Variants in KCNA7 observed in about 807,000 individuals in gnomAD.
The protein encoded by KCNA7 is potassium channel, voltage gated shaker related subfamily A, member 7.
In KCNA7, 15 loss-of-function variants were observed where a neutral mutation model predicts 21.5. The observed-to-expected ratio is 0.70, with a 90% CI of 0.47 to 1.07. KCNA7 has a LOEUF of 1.07. KCNA7 is among the 50% of genes least tolerant of loss of function. The probability of loss-of-function intolerance (pLI) is 0.00; values close to 1 mark genes in which losing one functional copy is unlikely to be tolerated. For synonymous variants in KCNA7, 298 were observed against 291.0 expected (o/e 1.02, Z -0.24); for missense variants, 640 against 651.6 (o/e 0.98, Z 0.19).
At position 49,067,698 on chromosome 19, in the gene KCNA7, C is replaced by T. The variant is rs559322629; in HGVS notation, c.*2365G>A. On this transcript the variant is annotated 3_prime_UTR_variant, in exon 2 of 2. Transcript: ENST00000221444. ...TGGCCCCTGGGGACAAGCTGTGAGACCTTGGGAAGCCACTCCCCTGCTCTG... is the reference window on the plus strand; with the variant it reads ...TGGCCCCTGGGGACAAGCTGTGAGATCTTGGGAAGCCACTCCCCTGCTCTG... The T allele has an allele frequency of 2.6e-5, 4 of 152,220 alleles. No homozygotes were observed. Among genetic ancestry groups the T allele is most frequent in the African/African-American group, 9.6e-5 (4 of 41,528 alleles). The allele number at this position is 152,220 out of a possible 1,614,324, so 9.4% of individuals were successfully genotyped here.
At position 49,070,915 on chromosome 19, in the gene KCNA7, G is replaced by C. The variant is rs1260409816; in HGVS notation, c.556-37C>G. On this transcript the variant is annotated intron_variant, in intron 1 of 1. Transcript: ENST00000221444. This position sits in a 1 kb window ranked among gnomAD's most constrained non-coding sequence, Gnocchi z 4.3. The stretch of plus-strand genomic sequence containing the variant: ...AAAGTGTTCAGGGAGGGTCAGGCTG[G>C]GGCTAGGACACGGGGACAGCCTTAA... 1.3e-6 allele frequency: 2 copies of C among 1,552,476 alleles called. No homozygotes were observed. Among genetic ancestry groups the C allele is most frequent in the African/African-American group, 2.7e-5 (2 of 73,290 alleles).
Position 49,070,172 on chromosome 19 carries a change from C to A in KCNA7, c.1262G>T (p.Cys421Phe). ...ATTGGCCTTGCCCTCCAGTGGGCCA[C>A]AAGGCTGCATGTCCACATGGCTGAA... ...GMFSHVDMQP[C>F]GPLEGKANGG... Residue 421 changes from cysteine (C) to phenylalanine (F), a missense_variant, in exon 2 of 2, where the codon TGT becomes TTT. Cys to Phe is a radical substitution (Grantham distance 205). Transcript: ENST00000221444. This position sits in a 1 kb window ranked among gnomAD's most constrained non-coding sequence, Gnocchi z 4.3. 6.2e-7 allele frequency: 1 copy of A among 1,614,228 alleles called. No homozygotes were observed. Among genetic ancestry groups the A allele is most frequent in the Non-Finnish European group, 8.5e-7 (1 of 1,180,040 alleles).
chr19:49,070,574 C>A lies in KCNA7; in HGVS notation c.860G>T (p.Arg287Leu). ...LRVIRLVRVF[R>L]IFKLSRHSKG... is the part of the protein sequence containing the mutation. Reference sequence around the variant, plus strand: ...TGAGTGCCGGGACAGCTTGAAGATGCGGAAGACACGCACCAATCGGATGAC... The same window carrying A: ...TGAGTGCCGGGACAGCTTGAAGATGAGGAAGACACGCACCAATCGGATGAC... The change falls in exon 2 of 2, where the codon CGC (arginine) becomes CTC (leucine). Residue 287 changes from arginine (R) to leucine (L), a missense_variant. Arg to Leu is a moderately radical substitution (Grantham distance 102). Coordinates refer to ENST00000221444, the MANE Select transcript of KCNA7 (RefSeq NM_031886.3). This position sits in a 1 kb window ranked among gnomAD's most constrained non-coding sequence, Gnocchi z 4.3. 6.2e-7 allele frequency: 1 copy of A among 1,614,158 alleles called. No homozygotes were observed. The highest frequency in any genetic ancestry group is 8.5e-7 in the Non-Finnish European group (1 of 1,180,032).
chr19:49,072,058 C>T lies in KCNA7; in HGVS notation c.528G>A (p.Gly176=), dbSNP rs780075778. The T allele has an allele frequency of 1.7e-5, 27 of 1,607,480 alleles. No homozygotes were observed. The African/African-American group carries it at 2.9e-4, about 18-fold the overall frequency. Residue 176 remains glycine (G), a synonymous_variant, in exon 1 of 2, where the codon GGG becomes GGA. Transcript: ENST00000221444. The part of the protein sequence containing the change: ...PDFRDDRDGT[G]LAAAAAAGPF... ...GGCCGGCTGCGGCTGCAGCAGCAAG[C>T]CCCGTGCCGTCGCGGTCGTCGCGGA...
chr19:49,072,483 G>A lies in KCNA7; in HGVS notation c.103C>T (p.Pro35Ser), dbSNP rs1279209485. The A allele has an allele frequency of 1.3e-6, 2 of 1,538,062 alleles. No individual in the cohort carries two copies. The highest frequency in any genetic ancestry group is 1.7e-6 in the Non-Finnish European group (2 of 1,153,386). The change falls in exon 1 of 2, where the codon CCG (proline) becomes TCG (serine). Residue 35 changes from proline (P) to serine (S), a missense_variant. By Grantham distance (74) the Pro-to-Ser change is moderately conservative. Transcript: ENST00000221444. Reference protein sequence around the residue: ...ETRARTLGRFPDTLLGDPARR... With the variant: ...ETRARTLGRFSDTLLGDPARR... ...GCTGGGTCCCCTAGCAGAGTGTCCG[G>A]GAAGCGGCCCAGCGTGCGCGCCCGC... is the stretch of plus-strand genomic sequence containing the variant.
Position 49,070,422 on chromosome 19 carries a change from C to T in KCNA7, c.1012G>A (p.Val338Met). 6.2e-7 allele frequency: 1 copy of T among 1,614,142 alleles called. No homozygotes were observed. Among genetic ancestry groups the T allele is most frequent in the Admixed American group, 1.7e-5 (1 of 60,012 alleles). ...SAVYFAEVDR[V>M]DSHFTSIPES... Reference sequence around the variant, plus strand: ...GGGATGCTAGTGAAATGGGAGTCCACCCGGTCAACTTCGGCAAAGTAGACG... The same window carrying T: ...GGGATGCTAGTGAAATGGGAGTCCATCCGGTCAACTTCGGCAAAGTAGACG... The change falls in exon 2 of 2, where the codon GTG becomes ATG. Residue 338 changes from valine to methionine, a missense_variant. Val to Met is a conservative substitution (Grantham distance 21, BLOSUM62 1). Transcript: ENST00000221444. The surrounding 1 kb of genome is among the most constrained non-coding windows in gnomAD (Gnocchi z 4.3).
At chr19:49,071,979 C>T in intron 1 of KCNA7, 52 bp downstream of exon 1, 1 of 1,512,298 alleles carries the variant, frequency 6.6e-7, no homozygotes, top group Non-Finnish European at 8.9e-7. Flanking sequence ...CTCTGGACCC[C>T]GCCCATCTCC....
In KCNA7 at chr19:49,072,234, G is replaced by C; in HGVS notation, c.352C>G (p.Arg118Gly). 3 of 1,593,904 alleles carry C rather than the reference G, an allele frequency of 1.9e-6. No homozygotes were observed. Among genetic ancestry groups the C allele is most frequent in the Non-Finnish European group, 2.6e-6 (3 of 1,170,808 alleles). ...EDEGCPVPPERPLPRRAFARQ... is the reference protein window; with the variant it reads ...EDEGCPVPPEGPLPRRAFARQ... Reference sequence around the variant, plus strand: ...GCGAAGGCGCGGCGGGGCAGGGGGCGCTCGGGCGGCACCGGGCAGCCCTCG... The same window carrying C: ...GCGAAGGCGCGGCGGGGCAGGGGGCCCTCGGGCGGCACCGGGCAGCCCTCG... The change falls in exon 1 of 2, where the codon CGC becomes GGC. Residue 118 changes from arginine to glycine, a missense_variant. Transcript: ENST00000221444.
In KCNA7 at chr19:49,069,647, G is replaced by C. The variant is rs940321246; in HGVS notation, c.*416C>G. 2.3e-5 allele frequency: 4 copies of C among 171,404 alleles called. No individual in the cohort carries two copies. The highest frequency in any genetic ancestry group is 5.0e-5 in the Non-Finnish European group (4 of 80,360). The allele number at this position is 171,404 out of a possible 1,614,324, so 10.6% of individuals were successfully genotyped here. ...TCTAACTTGACCCAACATGGCCCTA[G>C]GGGACCCACCAAACCACAGAATCCT... On this transcript the variant is annotated 3_prime_UTR_variant, in exon 2 of 2. Transcript: ENST00000221444.
At chr19:49,071,672 A>G (rs1034856630) in intron 1 of KCNA7, among the ~76,000 whole-genome samples, 10 of 151,778 alleles carry the variant, frequency 6.6e-5, no homozygotes, top group African/African-American at 1.9e-4. Context: ...CTCGGGCTCC[A>G]GCACCCTCAG....
Position 49,069,514 on chromosome 19 carries a change from C to G in KCNA7, c.*549G>C, listed in dbSNP as rs1480870967. 2 of 153,484 alleles carry G rather than the reference C, an allele frequency of 1.3e-5. No individual in the cohort carries two copies. The highest frequency in any genetic ancestry group is 2.9e-5 in the Non-Finnish European group (2 of 69,028). 9.5% of individuals were successfully genotyped at this position (153,484 alleles called of 1,614,324 possible). On this transcript the variant is annotated 3_prime_UTR_variant, in exon 2 of 2. Transcript: ENST00000221444. ...TACATGACTCGCAAGTTCACAGAACCTAAAATAACATGCCCCTGGAAGAAT... is the reference window on the plus strand; with the variant it reads ...TACATGACTCGCAAGTTCACAGAACGTAAAATAACATGCCCCTGGAAGAAT...
Position 49,069,878 on chromosome 19 carries a change from G to A in KCNA7, c.*185C>T. The A allele has an allele frequency of 1.7e-6, 1 of 585,752 alleles. No homozygotes were observed. The highest frequency in any genetic ancestry group is 2.8e-5 in the East Asian group (1 of 35,760). 36.3% of individuals were successfully genotyped at this position (585,752 alleles called of 1,614,324 possible). On this transcript the variant is annotated 3_prime_UTR_variant, in exon 2 of 2. Coordinates refer to ENST00000221444, the MANE Select transcript of KCNA7 (RefSeq NM_031886.3). The stretch of plus-strand genomic sequence containing the variant: ...CCATTGCCATTCGCTGCTGCTTCAG[G>A]AGGTACCCACAGGAGCTACCAAACC...
chr19:49,070,454 G>T lies in KCNA7; in HGVS notation c.980C>A (p.Ser327Tyr). 1 of 1,614,100 alleles carries T rather than the reference G, an allele frequency of 6.2e-7. No homozygotes were observed. Among genetic ancestry groups the T allele is most frequent in the Non-Finnish European group, 8.5e-7 (1 of 1,180,006 alleles). ...FFLFIGVVLF[S>Y]SAVYFAEVDR... ...AACTTCGGCAAAGTAGACGGCGCTG[G>T]AAAAGAGGACCACACCGATGAAGAG... is the stretch of plus-strand genomic sequence containing the variant. Residue 327 changes from serine (S) to tyrosine (Y), a missense_variant, in exon 2 of 2, where the codon TCC (serine) becomes TAC (tyrosine). Physicochemically the swap from Ser to Tyr is moderately radical, Grantham distance 144 (BLOSUM62 -2). Coordinates refer to ENST00000221444, the MANE Select transcript of KCNA7 (RefSeq NM_031886.3). The surrounding 1 kb of genome is among the most constrained non-coding windows in gnomAD (Gnocchi z 4.3).
chr19:49,072,334 C>G lies in KCNA7; in HGVS notation c.252G>C (p.Val84=). 6.3e-7 allele frequency: 1 copy of G among 1,592,218 alleles called. No homozygotes were observed. Among genetic ancestry groups the G allele is most frequent in the Non-Finnish European group, 8.5e-7 (1 of 1,173,946 alleles). Residue 84 remains valine, a synonymous_variant, in exon 1 of 2, where the codon GTG becomes GTC. Coordinates refer to ENST00000221444, the MANE Select transcript of KCNA7 (RefSeq NM_031886.3). ...CCTCTTCCAGGAAGACGTCGAGCGGCACGTGCGCCGGCCGCCGCAGCCGCC... is the reference window on the plus strand; with the variant it reads ...CCTCTTCCAGGAAGACGTCGAGCGGGACGTGCGCCGGCCGCCGCAGCCGCC... ...SGGRLRRPAH[V]PLDVFLEEVA...
intron 1 of KCNA7, 37 bp downstream of exon 1, chr19:49,071,993 CA>C: frequency 6.6e-7 from 1 of 1,509,634 alleles, no homozygotes; most frequent in Non-Finnish European, 8.9e-7. Context: ...CATCTCCTCC[CA>C]AACCCCGCCC....
chr19:49,072,247 C>T lies in KCNA7; in HGVS notation c.339G>A (p.Pro113=), dbSNP rs2040264557. The stretch of plus-strand genomic sequence containing the variant: ...GGGGCAGGGGGCGCTCGGGCGGCAC[C>T]GGGCAGCCCTCGTCCTCGCGCAGGC... The part of the protein sequence containing the change: ...LARLREDEGC[P]VPPERPLPRR... Residue 113 remains proline, a synonymous_variant, in exon 1 of 2, where the codon CCG becomes CCA. Coordinates refer to ENST00000221444, the MANE Select transcript of KCNA7 (RefSeq NM_031886.3). 1.3e-6 allele frequency: 2 copies of T among 1,589,272 alleles called. No homozygotes were observed. The highest frequency in any genetic ancestry group is 1.1e-5 in the South Asian group (1 of 88,540).
In KCNA7 at chr19:49,070,123, T is replaced by C. The variant is rs138349875; in HGVS notation, c.1311A>G (p.Val437=). The change falls in exon 2 of 2, where the codon GTA becomes GTG. Residue 437 remains valine, a synonymous_variant. Transcript: ENST00000221444. The surrounding 1 kb of genome is among the most constrained non-coding windows in gnomAD (Gnocchi z 4.3). ...KANGGLVDGE[V]PELPPPLWAP... The stretch of plus-strand genomic sequence containing the variant: ...CCCAGAGTGGAGGTGGTAGCTCAGG[T>C]ACCTCCCCGTCCACCAGCCCCCCAT... 4.8e-3 allele frequency: 7,745 copies of C among 1,613,406 alleles called. 33 individuals are homozygous for C. Among genetic ancestry groups the C allele is most frequent in the Non-Finnish European group, 5.9e-3 (6,916 of 1,179,704 alleles).
At chr19:49,071,695 A>G (rs1156522700) in intron 1 of KCNA7, among the ~76,000 whole-genome samples, 3 of 151,872 alleles carry the variant, frequency 2.0e-5, no homozygotes, top group African/African-American at 2.4e-5. Flanking sequence ...GGAGTTATTC[A>G]GGGCCTGGCT....
chr19:49,071,466 G>C (rs1433884261), intron 1 of KCNA7, among the ~76,000 whole-genome samples: 1 of 152,036 alleles, frequency 6.6e-6, no homozygotes, highest in African/African-American at 2.4e-5. Context: ...TAAGGCAGGA[G>C]AATCGCTTGA....
Sources: gnomAD v4.1 joint callset for allele counts (sites outside exome capture counted in the v4.1 genomes callset) on GRCh38, gnomAD v4.1.1 for gene constraint, Gnocchi (gnomAD v3.1) non-coding constraint, MANE v1.5 for transcripts, NCBI Gene and HGNC (gene_info 2026-07-23, HGNC 2026-07-21) for gene names.